Variants in ZNF407 observed in about 807,000 individuals in gnomAD.
The protein encoded by ZNF407 is zinc finger protein 407.
A neutral mutation model predicts 131.2 loss-of-function variants in ZNF407; 17 were observed. The observed-to-expected ratio is 0.13, with a 90% confidence interval of 0.09 to 0.19. The LOEUF is 0.19. Among genes scored for constraint, ZNF407 ranks in the 10% least tolerant of loss-of-function variants. The pLI is 1.00. For synonymous variants in ZNF407, 1,156 were observed against 1,062.0 expected (o/e 1.09, Z -1.72); for missense variants, 2,681 against 2,830.6 (o/e 0.95, Z 1.20).
chr18:74,704,359 C>T (rs986688059), intron 3 of ZNF407, among the ~76,000 whole-genome samples: 1 of 152,064 alleles, frequency 6.6e-6, no homozygotes, highest in African/African-American at 2.4e-5. Context: ...TCAATCAGGA[C>T]GTGCTGTTAA....
intron 3 of ZNF407, among the ~76,000 whole-genome samples, chr18:74,687,740 C>T (rs1307407708): frequency 3.9e-5 from 6 of 152,094 alleles, no homozygotes. Flanking sequence ...TCATTTATTA[C>T]AAAGTCAATA....
chr18:74,611,793 G>A (rs1029521492), intron 1 of ZNF407, among the ~76,000 whole-genome samples: 1 of 152,134 alleles, frequency 6.6e-6, no homozygotes, highest in African/African-American at 2.4e-5. Context: ...ATGCAGATCT[G>A]GGGTCTCTGC....
chr18:74,762,550 C>T (rs1281884148), intron 3 of ZNF407, among the ~76,000 whole-genome samples: 2 of 151,972 alleles, frequency 1.3e-5, no homozygotes, highest in African/African-American at 2.4e-5. Context: ...ATTACTGCCC[C>T]AAATTCCCAT....
At chr18:74,926,155 T>G (rs1203419414) in intron 8 of ZNF407, among the ~76,000 whole-genome samples, 2 of 152,248 alleles carry the variant, frequency 1.3e-5, no homozygotes, top group African/African-American at 2.4e-5. Flanking sequence ...TCCGGAGCTG[T>G]CTGCCATAGC....
intron 4 of ZNF407, among the ~76,000 whole-genome samples, chr18:74,835,629 GGTGTGTGT>G (rs60463192): frequency 2.2e-5 from 2 of 92,142 alleles, no homozygotes; most frequent in Non-Finnish European, 4.3e-5. Flanking sequence ...GACAGAGGGG[GGTGTGTGT>G]GTGTGTGTGT....
chr18:74,657,891 C>T (rs1273907723), intron 3 of ZNF407, among the ~76,000 whole-genome samples: 1 of 141,600 alleles, frequency 7.1e-6, no homozygotes, highest in Admixed American at 7.0e-5. Flanking sequence ...CTCTCTACTT[C>T]TCCTTTTCCT....
In ZNF407 at chr18:74,632,727, A is replaced by C; in HGVS notation, c.1708A>C (p.Arg570=). 1 of 1,614,074 alleles carries C rather than the reference A, an allele frequency of 6.2e-7. No homozygotes were observed. Among genetic ancestry groups the C allele is most frequent in the Non-Finnish European group, 8.5e-7 (1 of 1,179,910 alleles). ...RTCDFSSMSR[R]DLDEHLHSNQ... The stretch of plus-strand genomic sequence containing the variant: ...TTGTGACTTCTCTAGTATGTCAAGA[A>C]GGGACTTAGATGAACATTTGCACAG... Residue 570 remains arginine (R), a synonymous_variant, in exon 2 of 9, where the codon AGG becomes CGG. Transcript: ENST00000299687.
chr18:74,606,669 G>T (rs1241953792), intron 1 of ZNF407, among the ~76,000 whole-genome samples: 1 of 152,150 alleles, frequency 6.6e-6, no homozygotes, highest in Non-Finnish European at 1.5e-5. Flanking sequence ...TATTATGTCG[G>T]CACACCTGAG....
chr18:74,961,591 G>A (rs1028800037), intron 8 of ZNF407, among the ~76,000 whole-genome samples: 2 of 152,000 alleles, frequency 1.3e-5, no homozygotes, highest in South Asian at 2.1e-4. Flanking sequence ...GTGGTGACGC[G>A]TGCCAATAGT....
At chr18:74,608,175 A>G (rs933976557) in intron 1 of ZNF407, among the ~76,000 whole-genome samples, 1 of 152,246 alleles carries the variant, frequency 6.6e-6, no homozygotes, top group African/African-American at 2.4e-5. Flanking sequence ...TCATGTATCC[A>G]TAATACAATC....
intron 8 of ZNF407, among the ~76,000 whole-genome samples, chr18:74,962,131 T>C (rs947165983): frequency 1.3e-5 from 2 of 152,242 alleles, no homozygotes; most frequent in Admixed American, 6.5e-5. Context: ...TTTGACATGG[T>C]GTCAGTGGTG....
chr18:75,055,257 A>T (rs1235956600), intron 8 of ZNF407, among the ~76,000 whole-genome samples: 1 of 152,214 alleles, frequency 6.6e-6, no homozygotes, highest in African/African-American at 2.4e-5. Flanking sequence ...GCCTAATTTT[A>T]AAGTGCCATC....
intron 7 of ZNF407, among the ~76,000 whole-genome samples, chr18:74,891,813 C>T (rs1305200541): frequency 6.6e-6 from 1 of 152,100 alleles, no homozygotes; most frequent in Admixed American, 6.6e-5. Context: ...TTAATTTTCA[C>T]CCTTACCTCT....
At chr18:74,716,914 C>G (rs1006596799) in intron 3 of ZNF407, among the ~76,000 whole-genome samples, 5 of 152,104 alleles carry the variant, frequency 3.3e-5, no homozygotes, top group Admixed American at 2.6e-4. Context: ...GTTAAATGGC[C>G]TTATACACGT....
intron 4 of ZNF407, among the ~76,000 whole-genome samples, chr18:74,793,065 C>A (rs886894837): frequency 6.6e-6 from 1 of 152,142 alleles, no homozygotes; most frequent in Non-Finnish European, 1.5e-5. Context: ...TTGAGTTGGG[C>A]GTGTTCAGAG....
At chr18:75,013,755 T>G (rs1217202615) in intron 8 of ZNF407, among the ~76,000 whole-genome samples, 1 of 152,082 alleles carries the variant, frequency 6.6e-6, no homozygotes, top group Non-Finnish European at 1.5e-5. Flanking sequence ...CTGAGGAACC[T>G]TTTTCTGAAG....
chr18:74,894,712 A>G (rs1318958062), intron 7 of ZNF407, among the ~76,000 whole-genome samples: 1 of 152,200 alleles, frequency 6.6e-6, no homozygotes, highest in Non-Finnish European at 1.5e-5. Context: ...AAAGTAACAC[A>G]GAAATACTAC....
chr18:74,917,643 C>T, intron 7 of ZNF407, among the ~76,000 whole-genome samples: 1 of 152,186 alleles, frequency 6.6e-6, no homozygotes, highest in Admixed American at 6.5e-5. Flanking sequence ...GTCCTAGATA[C>T]AGCCTTCTTG....
At position 74,777,221 on chromosome 18, in the gene ZNF407, A is replaced by AT. The variant is rs60849247; in HGVS notation, c.4803-4196dup. Reference sequence around the variant, plus strand: ...TATTTTGAAATATTGTTAAAATAAGATTTTTTTTTTTAAACTGGAGTGTAG... The same window carrying AT: ...TATTTTGAAATATTGTTAAAATAAGATTTTTTTTTTTTAAACTGGAGTGTAG... On this transcript the variant is annotated intron_variant, in intron 3 of 8. Coordinates refer to ENST00000299687, the MANE Select transcript of ZNF407 (RefSeq NM_017757.3). 1.6e-3 allele frequency among the ~76,000 whole-genome samples: 240 copies of AT among 149,750 alleles called. 1 individual carries two copies. Among genetic ancestry groups the AT allele is most frequent in the East Asian group, 4.1e-3 (21 of 5,110 alleles).
Sources: gnomAD v4.1 joint callset for allele counts (sites outside exome capture counted in the v4.1 genomes callset) on GRCh38, gnomAD v4.1.1 for gene constraint, MANE v1.5 for transcripts, NCBI Gene and HGNC (gene_info 2026-07-23, HGNC 2026-07-21) for gene names.